The following TUSC3 variants were observed in gnomAD, a reference collection of about 807,000 sequenced individuals.
TUSC3 encodes the protein dolichyl-diphosphooligosaccharide--protein glycosyltransferase subunit TUSC3.
A neutral mutation model predicts 44.8 loss-of-function variants in TUSC3; 45 were observed. The ratio of observed to expected loss-of-function variants is 1.00; its 90% confidence interval spans 0.79 to 1.29. The LOEUF (loss-of-function observed/expected upper bound fraction) is 1.29. Among genes scored for constraint, TUSC3 ranks in the 50% most tolerant of loss-of-function variants. The pLI is 0.00. For missense variants in TUSC3, 519 were observed against 437.9 expected, an observed-to-expected ratio of 1.19 and a Z score of -1.65; for synonymous variants, 212 against 152.9, an observed-to-expected ratio of 1.39 and a Z score of -2.85.
chr8:15,748,876 A>T (rs868288217), intron 9 of TUSC3: 1 of 395,568 alleles, frequency 2.5e-6, no homozygotes, highest in Non-Finnish European at 4.9e-6. Flanking sequence ...TTTTCAAAAT[A>T]AGAGCCAACA....
intron 9 of TUSC3, among the ~76,000 whole-genome samples, chr8:15,756,501 A>G (rs1381135094): frequency 6.6e-6 from 1 of 152,186 alleles, no homozygotes; most frequent in Non-Finnish European, 1.5e-5. Context: ...TTTTTCATTA[A>G]GTATTCATTT....
intron 10 of TUSC3, among the ~76,000 whole-genome samples, chr8:15,761,491 C>G (rs942913467): frequency 1.3e-5 from 2 of 152,180 alleles, no homozygotes; most frequent in Non-Finnish European, 2.9e-5. Flanking sequence ...GTGCGATTTG[C>G]TACTCTTGCC....
At chr8:15,762,689 T>C (rs982589520) in intron 10 of TUSC3, among the ~76,000 whole-genome samples, 1 of 152,132 alleles carries the variant, frequency 6.6e-6, no homozygotes, top group East Asian at 1.9e-4. Context: ...AGGTTTCTTT[T>C]TTCATTAACC....
chr8:15,820,910 T>A, the TUSC3 span, among the ~76,000 whole-genome samples: 7 of 152,178 alleles, frequency 4.6e-5, no homozygotes, highest in African/African-American at 9.7e-5. Context: ...GTAGATGTAA[T>A]AGATAATGTA....
chr8:15,434,416 G>T (rs1437436900), intron 1 of TUSC3, among the ~76,000 whole-genome samples: 1 of 151,658 alleles, frequency 6.6e-6, no homozygotes, highest in Non-Finnish European at 1.5e-5. Context: ...CTTCCAGATT[G>T]TGACTTTTCT....
At chr8:15,493,624 T>C (rs753349044) in intron 2 of TUSC3, among the ~76,000 whole-genome samples, 4 of 152,110 alleles carry the variant, frequency 2.6e-5, no homozygotes, top group Non-Finnish European at 4.4e-5. Context: ...ACTGGAACTA[T>C]ACTAGGGAGG....
the TUSC3 span, among the ~76,000 whole-genome samples, chr8:15,834,977 G>A: frequency 1.3e-5 from 2 of 152,292 alleles, no homozygotes; most frequent in Middle Eastern, 3.4e-3. Context: ...ACATGCAAGG[G>A]TCATGTAACC....
intron 2 of TUSC3, among the ~76,000 whole-genome samples, chr8:15,484,799 T>C (rs1472872729): frequency 6.6e-6 from 1 of 152,234 alleles, no homozygotes; most frequent in Non-Finnish European, 1.5e-5. Context: ...ACTTTTAAAA[T>C]GTTCATCCAA....
chr8:15,643,737 A>C (rs1351858009), intron 2 of TUSC3, among the ~76,000 whole-genome samples: 2 of 152,162 alleles, frequency 1.3e-5, no homozygotes, highest in Admixed American at 6.6e-5. Context: ...TATTTCAGTG[A>C]ATTCAGCTGG....
chr8:15,458,587 T>C (rs1800295812), intron 1 of TUSC3, among the ~76,000 whole-genome samples: 1 of 152,156 alleles, frequency 6.6e-6, no homozygotes, highest in South Asian at 2.1e-4. Flanking sequence ...AAGCAGGCTA[T>C]GTATGGACCA....
chr8:15,819,544 T>C, the TUSC3 span, among the ~76,000 whole-genome samples: 1 of 152,232 alleles, frequency 6.6e-6, no homozygotes, highest in Non-Finnish European at 1.5e-5. Context: ...CCCCCTGACT[T>C]CTCACAATCT....
In TUSC3 at chr8:15,426,649, T is replaced by C. The variant is rs186275549; in HGVS notation, n.91+9344T>C. On this transcript the variant is annotated intron_variant and non_coding_transcript_variant, in intron 1 of 5. Coordinates refer to the TUSC3 transcript ENST00000503191. ...CCCCATTCTTCTGTCAATGGACACT[T>C]GGGTTGTTTCCATAACTTAGCTTCA... Among the ~76,000 whole-genome samples, 387 of 152,326 alleles carry C rather than the reference T, an allele frequency of 2.5e-3. 2 individuals carry two copies. Among genetic ancestry groups the C allele is most frequent in the African/African-American group, 8.8e-3 (366 of 41,568 alleles).
At chr8:15,627,350 C>G (rs35422110) in intron 2 of TUSC3, among the ~76,000 whole-genome samples, 43,113 of 152,128 alleles carry the variant, frequency 0.28, 6,301 homozygotes, top group Non-Finnish European at 0.31. Flanking sequence ...GAGGAGCTGC[C>G]CACTGCAGGT....
At chr8:15,639,556 C>T (rs1806264849) in intron 2 of TUSC3, among the ~76,000 whole-genome samples, 1 of 152,092 alleles carries the variant, frequency 6.6e-6, no homozygotes, top group African/African-American at 2.4e-5. Context: ...TTGATAGCTG[C>T]TTTTAAGCAT....
Position 15,608,602 on chromosome 8 carries a change from T to C in TUSC3, c.139-14478T>C, listed in dbSNP as rs191348692. Among the ~76,000 whole-genome samples the C allele has an allele frequency of 5.3e-5, 8 of 152,212 alleles. No homozygotes were observed. The East Asian group carries it at 1.2e-3, about 22-fold the overall frequency. On this transcript the variant is annotated intron_variant, in intron 1 of 10. Coordinates refer to ENST00000503731, the MANE Select transcript of TUSC3 (RefSeq NM_006765.4). The stretch of plus-strand genomic sequence containing the variant: ...ACGGGAGGAACCTGATGGGAGGTGA[T>C]TGGATTATGGGGGTGGTTTCCCCCA...
chr8:15,760,020 A>G (rs761282923), intron 10 of TUSC3, among the ~76,000 whole-genome samples: 14 of 152,128 alleles, frequency 9.2e-5, no homozygotes, highest in Non-Finnish European at 1.8e-4. Flanking sequence ...TTTTCTGACT[A>G]TAACCGAGCC....
At chr8:15,482,925 G>A (rs528071652) in intron 1 of TUSC3, among the ~76,000 whole-genome samples, 72 of 152,110 alleles carry the variant, frequency 4.7e-4, no homozygotes, top group African/African-American at 1.3e-3. Context: ...TACTTTAAGC[G>A]GTGTGTTTTA....
At chr8:15,572,983 T>A (rs1563296741) in intron 1 of TUSC3, among the ~76,000 whole-genome samples, 1 of 151,946 alleles carries the variant, frequency 6.6e-6, no homozygotes, top group African/African-American at 2.4e-5. Flanking sequence ...GTTACCAGAA[T>A]GTGACATAGA....
chr8:15,543,637 T>C (rs1482703993), intron 1 of TUSC3, among the ~76,000 whole-genome samples: 2 of 152,072 alleles, frequency 1.3e-5, no homozygotes, highest in East Asian at 3.8e-4. Context: ...GCGTAGGATA[T>C]AATAAATGGT....
Sources: gnomAD v4.1 joint callset for allele counts (sites outside exome capture counted in the v4.1 genomes callset) on GRCh38, gnomAD v4.1.1 for gene constraint, MANE v1.5 for transcripts, NCBI Gene and HGNC (gene_info 2026-07-23, HGNC 2026-07-21) for gene names.